Variants in TNS1 observed in about 807,000 individuals in gnomAD.
The protein encoded by TNS1 is tensin-1.
TNS1 carries 62 observed loss-of-function variants against 168.6 expected under a neutral mutation model. The observed-to-expected ratio is 0.37, with a 90% CI of 0.30 to 0.45. The LOEUF is 0.45. Ranked by LOEUF, TNS1 falls within the 20% of genes least tolerant of loss-of-function variation. The pLI, the probability that TNS1 is intolerant of heterozygous loss-of-function variation, is 1.00. For missense variants in TNS1, 2,240 were observed against 2,339.4 expected (o/e 0.96, Z 0.88); for synonymous variants, 934 against 933.2 (o/e 1.00, Z -0.02).
chr2:218,018,278 C>T, intron 1 of TNS1, among the ~76,000 whole-genome samples: 1 of 152,182 alleles, frequency 6.6e-6, no homozygotes, highest in East Asian at 1.9e-4. Flanking sequence ...CTCTTTTCAC[C>T]CTATTATTCC....
intron 2 of TNS1, among the ~76,000 whole-genome samples, chr2:217,979,528 GACACACACAC>G (rs35499293): frequency 1.4e-5 from 2 of 146,706 alleles, no homozygotes; most frequent in Admixed American, 6.7e-5. Flanking sequence ...GAAACACACA[GACACACACAC>G]ACACACACAC....
chr2:217,935,062 G>A (rs923960073), intron 3 of TNS1, among the ~76,000 whole-genome samples: 47 of 152,358 alleles, frequency 3.1e-4, no homozygotes, highest in African/African-American at 7.5e-4. Context: ...AGGTCCTTCC[G>A]CGGCACTACA....
chr2:217,991,431 C>A (rs138220326), intron 1 of TNS1, among the ~76,000 whole-genome samples: 1 of 152,282 alleles, frequency 6.6e-6, no homozygotes, highest in Non-Finnish European at 1.5e-5. Context: ...CCCACAGAGC[C>A]ACATCCCCGA....
intron 4 of TNS1, among the ~76,000 whole-genome samples, chr2:217,910,591 C>G (rs1048579883): frequency 6.6e-6 from 1 of 152,026 alleles, no homozygotes; most frequent in African/African-American, 2.4e-5. Flanking sequence ...GTGGGAAGCC[C>G]TACCATTGAC....
intron 22 of TNS1, among the ~76,000 whole-genome samples, chr2:217,830,706 G>C (rs2125279141): frequency 6.6e-6 from 1 of 152,366 alleles, no homozygotes. Context: ...CTCAGAGCTT[G>C]GGCTGCTCTC....
At chr2:218,007,710 G>A (rs899648330), upstream of TNS1, among the ~76,000 whole-genome samples, 7 of 152,030 alleles carry the variant, frequency 4.6e-5, no homozygotes, top group Non-Finnish European at 1.0e-4. Flanking sequence ...TGCAGTCAGG[G>A]TCTGTCCCCT....
chr2:217,803,318 A>C lies in TNS1; in HGVS notation c.*1141T>G, dbSNP rs1313261052. ...GGCAGAGCAGCAAGACTCAATCCCC[A>C]GCCCCCAAAAAGGCATCATGCAGGT... On this transcript the variant is annotated 3_prime_UTR_variant, in exon 33 of 33. Coordinates refer to ENST00000682258, the MANE Select transcript of TNS1 (RefSeq NM_001387777.1). 2.0e-5 allele frequency: 3 copies of C among 152,308 alleles called. No individual in the cohort carries two copies. Among genetic ancestry groups the C allele is most frequent in the African/African-American group, 7.2e-5 (3 of 41,450 alleles). The allele number at this position is 152,308 out of a possible 1,614,324, so 9.4% of individuals were successfully genotyped here.
intron 3 of TNS1, among the ~76,000 whole-genome samples, chr2:217,925,805 C>T (rs1227025325): frequency 1.3e-5 from 2 of 152,172 alleles, no homozygotes; most frequent in Non-Finnish European, 2.9e-5. Flanking sequence ...TTCCCCTCCC[C>T]CAAACCCCTG....
chr2:217,939,284 C>T (rs1416997874), intron 3 of TNS1, among the ~76,000 whole-genome samples: 1 of 152,172 alleles, frequency 6.6e-6, no homozygotes, highest in East Asian at 1.9e-4. Context: ...ACCAGACTCA[C>T]ATTCTCTGCC....
At chr2:217,897,151 G>T (rs1247764334) in intron 8 of TNS1, among the ~76,000 whole-genome samples, 1 of 152,138 alleles carries the variant, frequency 6.6e-6, no homozygotes, top group Non-Finnish European at 1.5e-5. Context: ...CAGTCCACAG[G>T]CACCTCCCTC....
At chr2:217,929,375 G>A (rs1383161906) in intron 3 of TNS1, among the ~76,000 whole-genome samples, 1 of 152,188 alleles carries the variant, frequency 6.6e-6, no homozygotes, top group Non-Finnish European at 1.5e-5. Flanking sequence ...GTGCTGATGA[G>A]CAGGGGGGTC....
In TNS1 at chr2:217,818,441, A is replaced by G. The variant is rs1942276302; in HGVS notation, c.3891T>C (p.Pro1297=). Residue 1297 remains proline, a synonymous_variant, in exon 24 of 33, where the codon CCT becomes CCC. Transcript: ENST00000682258. The part of the protein sequence containing the change: ...RTVGTNTPPS[P]GFGWRAINPS... Reference sequence around the variant, plus strand: ...GATTGATGGCCCGCCAGCCGAAGCCAGGACTAGGGGGAGTGTTGGTGCCCA... The same window carrying G: ...GATTGATGGCCCGCCAGCCGAAGCCGGGACTAGGGGGAGTGTTGGTGCCCA... The G allele has an allele frequency of 6.2e-7, 1 of 1,613,952 alleles. No homozygotes were observed. The highest frequency in any genetic ancestry group is 1.7e-5 in the Admixed American group (1 of 60,004).
rs1559141121 is a variant in TNS1 at position 217,809,491 on chromosome 2, GCATGGATGGA to G, written c.5273+322_5273+331del. ...TGGATGGATGGATGGATGGATGGATGCATGGATGGATGCATGGATGGATGGATGGATAGGT... is the reference window on the plus strand; with the variant it reads ...TGGATGGATGGATGGATGGATGGATGTGCATGGATGGATGGATGGATAGGT... On this transcript the variant is annotated intron_variant, in intron 30 of 32. Coordinates refer to ENST00000682258, the MANE Select transcript of TNS1 (RefSeq NM_001387777.1). Among the ~76,000 whole-genome samples, 9 of 25,482 alleles carry G rather than the reference GCATGGATGGA, an allele frequency of 3.5e-4. 1 individual carries two copies. Among genetic ancestry groups the G allele is most frequent in the South Asian group, 1.4e-3 (1 of 698 alleles). 16.7% of individuals were successfully genotyped at this position (25,482 alleles called of 152,430 possible).
intron 18 of TNS1, among the ~76,000 whole-genome samples, chr2:217,874,897 A>G (rs1950081605): frequency 6.6e-6 from 1 of 152,258 alleles, no homozygotes; most frequent in Non-Finnish European, 1.5e-5. Context: ...TATAAACAAT[A>G]GAGCTTAGAA....
rs775927818 is a variant in TNS1 at position 217,815,008 on chromosome 2, G to A, written c.4643-10C>T. 6.2e-6 allele frequency: 10 copies of A among 1,607,094 alleles called. No homozygotes were observed. The highest frequency in any genetic ancestry group is 6.8e-6 in the Non-Finnish European group (8 of 1,175,952). Reference sequence around the variant, plus strand: ...GTCTCCGGGCTGTTGTCTAAAGCAGGAGAAGGGAAGAAAGTGTTATGGGTT... The same window carrying A: ...GTCTCCGGGCTGTTGTCTAAAGCAGAAGAAGGGAAGAAAGTGTTATGGGTT... On this transcript the variant is annotated splice_polypyrimidine_tract_variant and intron_variant, in intron 24 of 32. Transcript: ENST00000682258.
intron 3 of TNS1, 154 bp downstream of exon 3, chr2:217,978,611 C>T (rs1353842665): frequency 6.0e-6 from 3 of 501,562 alleles, no homozygotes; most frequent in East Asian, 6.8e-5. Context: ...TGACCTGCGC[C>T]CGCTCCCAGG....
intron 3 of TNS1, among the ~76,000 whole-genome samples, chr2:217,962,560 A>G (rs545670015): frequency 3.9e-5 from 6 of 152,384 alleles, no homozygotes; most frequent in African/African-American, 1.4e-4. Context: ...TTTATGATCC[A>G]TAAAGTGAAT....
At chr2:217,842,231 A>G in intron 19 of TNS1, 2 of 622,762 alleles carry the variant, frequency 3.2e-6, no homozygotes, top group South Asian at 1.9e-5. Context: ...CACGTCAACA[A>G]TTCCCATATC....
At chr2:217,874,769 A>T (rs1268792538) in intron 18 of TNS1, among the ~76,000 whole-genome samples, 1 of 152,252 alleles carries the variant, frequency 6.6e-6, no homozygotes, top group Non-Finnish European at 1.5e-5. Flanking sequence ...TTTCATGTAT[A>T]TTACCTCATT....
Sources: gnomAD v4.1 joint callset for allele counts (sites outside exome capture counted in the v4.1 genomes callset) on GRCh38, gnomAD v4.1.1 for gene constraint, MANE v1.5 for transcripts, NCBI Gene and HGNC (gene_info 2026-07-23, HGNC 2026-07-21) for gene names.